The following ATP9A variants were observed in gnomAD, a reference collection of about 807,000 sequenced individuals.
ATP9A encodes the protein probable phospholipid-transporting ATPase IIA.
A neutral mutation model predicts 144.1 loss-of-function variants in ATP9A; 52 were observed. The observed-to-expected ratio is 0.36, with a 90% CI of 0.29 to 0.45. The LOEUF is 0.45. Among genes scored for constraint, ATP9A ranks in the 20% least tolerant of loss-of-function variants. ATP9A has a pLI of 1.00. For missense variants in ATP9A, 947 were observed against 1,392.7 expected (o/e 0.68, Z 5.09); for synonymous variants, 582 against 557.4 (o/e 1.04, Z -0.62).
rs570149950 is a variant in ATP9A, at chr20:51,662,267, GC to G, written c.1294-5118del. On this transcript the variant is annotated intron_variant, in intron 13 of 27. Coordinates refer to ENST00000338821, the MANE Select transcript of ATP9A (RefSeq NM_006045.3). ...TTGAGTTTTTAAAATATTGCACTGC[GC>G]CAGGTGTGGTGGCTCACGCCTGTAA... Among the ~76,000 whole-genome samples, 7 of 152,296 alleles carry G rather than the reference GC, an allele frequency of 4.6e-5. No individual in the cohort carries two copies. The South Asian group carries it at 1.4e-3, about 32-fold the overall frequency.
intron 14 of ATP9A, among the ~76,000 whole-genome samples, chr20:51,642,521 G>A (rs2077323902): frequency 6.6e-6 from 1 of 151,810 alleles, no homozygotes; most frequent in South Asian, 2.1e-4. Context: ...GGGTGGACAT[G>A]GGATGAGGGT....
At chr20:51,609,915 C>T (rs1601053905) in intron 24 of ATP9A, among the ~76,000 whole-genome samples, 186 bp downstream of exon 24, 1 of 152,206 alleles carries the variant, frequency 6.6e-6, no homozygotes, top group East Asian at 1.9e-4. Context: ...TGGTTAAGGG[C>T]TTAACAGCTC....
At chr20:51,719,655 C>T (rs746328614) in intron 3 of ATP9A, among the ~76,000 whole-genome samples, 3 of 150,766 alleles carry the variant, frequency 2.0e-5, no homozygotes, top group Admixed American at 6.7e-5. Flanking sequence ...ATCGCTTGAA[C>T]CCAGGAGGCA....
intron 1 of ATP9A, among the ~76,000 whole-genome samples, chr20:51,735,703 A>G (rs1350602758): frequency 6.6e-6 from 1 of 152,232 alleles, no homozygotes; most frequent in East Asian, 1.9e-4. Context: ...TTGTTACCAC[A>G]TTCATTCAGT....
intron 19 of ATP9A, among the ~76,000 whole-genome samples, chr20:51,619,809 C>T (rs541107574): frequency 4.3e-4 from 58 of 135,154 alleles, no homozygotes; most frequent in African/African-American, 1.6e-3. Flanking sequence ...GTGGAGGTTG[C>T]GGTGAGCCGA....
At chr20:51,617,049 C>T (rs2077206110) in intron 22 of ATP9A, among the ~76,000 whole-genome samples, 2 of 150,364 alleles carry the variant, frequency 1.3e-5, no homozygotes, top group South Asian at 2.1e-4. Context: ...TCAGGCGATT[C>T]TCCTATCTCA....
chr20:51,743,367 TG>T, intron 1 of ATP9A, among the ~76,000 whole-genome samples: 1 of 149,030 alleles, frequency 6.7e-6, no homozygotes, highest in Middle Eastern at 3.5e-3. Context: ...CCAGACAGGC[TG>T]GGGAGATGGG....
chr20:51,669,483 A>C (rs1219746267), intron 13 of ATP9A, among the ~76,000 whole-genome samples: 5 of 152,188 alleles, frequency 3.3e-5, no homozygotes, highest in Non-Finnish European at 7.3e-5. Context: ...ACTAAAGGTA[A>C]TCAGTAACGT....
chr20:51,636,009 C>T (rs564832601), intron 15 of ATP9A, among the ~76,000 whole-genome samples: 1 of 152,098 alleles, frequency 6.6e-6, no homozygotes, highest in South Asian at 2.1e-4. Flanking sequence ...TAATACTGAC[C>T]CCATATACAC....
At chr20:51,612,472 T>C (rs1427071820) in intron 23 of ATP9A, among the ~76,000 whole-genome samples, 1 of 152,256 alleles carries the variant, frequency 6.6e-6, no homozygotes, top group Non-Finnish European at 1.5e-5. Context: ...TTGCCCAGGC[T>C]GGAGTGCAGT....
chr20:51,757,254 G>A (rs2077860414), intron 1 of ATP9A, among the ~76,000 whole-genome samples: 1 of 152,138 alleles, frequency 6.6e-6, no homozygotes, highest in South Asian at 2.1e-4. Flanking sequence ...CTGACCTTAA[G>A]TGAGCCACCC....
intron 9 of ATP9A, among the ~76,000 whole-genome samples, chr20:51,688,479 C>G (rs1018460453): frequency 2.6e-5 from 4 of 152,060 alleles, no homozygotes; most frequent in Admixed American, 2.6e-4. Context: ...ATAATCCCAG[C>G]TACTTGGGAG....
rs573731482 is a variant in ATP9A, at chr20:51,642,514, T to C, written c.1507-3010A>G. 2.6e-5 allele frequency among the ~76,000 whole-genome samples: 4 copies of C among 151,446 alleles called. No homozygotes were observed. In the South Asian group the frequency reaches 8.4e-4, roughly 32 times the overall value. ...TTCTTACAGTTCTATAGATCAGGGGTGGACATGGGATGAGGGTCTCACTGA... is the reference window on the plus strand; with the variant it reads ...TTCTTACAGTTCTATAGATCAGGGGCGGACATGGGATGAGGGTCTCACTGA... On this transcript the variant is annotated intron_variant, in intron 14 of 27. Coordinates refer to ENST00000338821, the MANE Select transcript of ATP9A (RefSeq NM_006045.3).
At chr20:51,646,002 AC>A (rs2063579919) in intron 14 of ATP9A, among the ~76,000 whole-genome samples, 1 of 152,220 alleles carries the variant, frequency 6.6e-6, no homozygotes, top group South Asian at 2.1e-4. Flanking sequence ...GGATGAATGA[AC>A]AGATACATTA....
At chr20:51,633,736 ACT>A (rs2077279085) in intron 15 of ATP9A, among the ~76,000 whole-genome samples, 2 of 151,110 alleles carry the variant, frequency 1.3e-5, no homozygotes, top group African/African-American at 2.4e-5. Context: ...ACAGAGTGAG[ACT>A]CTGTCTTGAG....
Position 51,601,327 on chromosome 20 carries a change from A to G in ATP9A, c.3028T>C (p.Leu1010=). 1 of 1,613,048 alleles carries G rather than the reference A, an allele frequency of 6.2e-7. No individual in the cohort carries two copies. Among genetic ancestry groups the G allele is most frequent in the East Asian group, 2.2e-5 (1 of 44,836 alleles). ...ACGGAGACTTTCCACAAGAATGACA[A>G]GGTGGCGATGAAGTACACATCTGCA... ...EFIDVYFIAT[L]SFLWKVSVIT... The change falls in exon 28 of 28, where the codon TTG becomes CTG. Residue 1010 remains leucine (L), a synonymous_variant. Coordinates refer to ENST00000338821, the MANE Select transcript of ATP9A (RefSeq NM_006045.3).
Position 51,768,380 on chromosome 20 carries a change from C to T in ATP9A, c.-11G>A. The T allele has an allele frequency of 8.5e-7, 1 of 1,179,424 alleles. No individual in the cohort carries two copies. Among genetic ancestry groups the T allele is most frequent in the Non-Finnish European group, 1.1e-6 (1 of 951,222 alleles). The allele number at this position is 1,179,424 out of a possible 1,614,324, so 73.1% of individuals were successfully genotyped here. A position where few individuals can be genotyped will look rare whatever the true frequency, so the allele number is the denominator to read the frequency against. On this transcript the variant is annotated 5_prime_UTR_variant, in exon 1 of 28. Coordinates refer to ENST00000338821, the MANE Select transcript of ATP9A (RefSeq NM_006045.3). ...GATGTTGTCCGTCATGTCGGCGGCG[C>T]CGCCCGCCTTGGCCGCCGCGCCCCC... is the stretch of plus-strand genomic sequence containing the variant.
chr20:51,708,291 A>AT (rs1337644730), intron 4 of ATP9A, among the ~76,000 whole-genome samples: 4 of 150,130 alleles, frequency 2.7e-5, no homozygotes, highest in African/African-American at 7.3e-5. Flanking sequence ...CATCTCTATG[A>AT]TTTAAAAAAA....
intron 8 of ATP9A, among the ~76,000 whole-genome samples, chr20:51,689,475 T>C (rs2077537746): frequency 6.6e-6 from 1 of 152,048 alleles, no homozygotes; most frequent in Non-Finnish European, 1.5e-5. Context: ...GTTTGTGGCT[T>C]ATAGAAAGAG....
Sources: gnomAD v4.1 joint callset for allele counts (sites outside exome capture counted in the v4.1 genomes callset) on GRCh38, gnomAD v4.1.1 for gene constraint, MANE v1.5 for transcripts, NCBI Gene and HGNC (gene_info 2026-07-23, HGNC 2026-07-21) for gene names.